BRINP3: variants seen among roughly 807,000 people sequenced by gnomAD.
BRINP3 encodes BMP/retinoic acid-inducible neural-specific protein 3.
BRINP3 carries 19 observed loss-of-function variants against 71.0 expected under a neutral mutation model. That is an observed-to-expected ratio of 0.27 (90% confidence interval 0.19 to 0.39). BRINP3 has a LOEUF of 0.39. Ranked by LOEUF, BRINP3 falls within the 10% of genes least tolerant of loss-of-function variation. The pLI is 1.00. For synonymous variants in BRINP3, 380 were observed against 337.7 expected, an observed-to-expected ratio of 1.13 and a Z score of -1.37; for missense variants, 959 against 940.8, an observed-to-expected ratio of 1.02 and a Z score of -0.25.
At chr1:190,327,514 T>G (rs1666691595) in intron 2 of BRINP3, among the ~76,000 whole-genome samples, 3 of 145,872 alleles carry the variant, frequency 2.1e-5, no homozygotes, top group Admixed American at 2.0e-4. Context: ...GAGCAGAGAT[T>G]GCTATTCCTA....
At chr1:190,135,899 A>G (rs544925812) in intron 7 of BRINP3, among the ~76,000 whole-genome samples, 99 of 152,210 alleles carry the variant, frequency 6.5e-4, no homozygotes, top group South Asian at 1.0e-3. Flanking sequence ...TTATCTCTAT[A>G]CCAAGACACA....
At chr1:190,281,789 C>T in intron 2 of BRINP3, 39 bp from the exon 3 acceptor site, 2 of 1,571,886 alleles carry the variant, frequency 1.3e-6, no homozygotes. Flanking sequence ...AATGCATAAT[C>T]TATCTGAATG....
chr1:190,330,630 G>A (rs1021403334), intron 2 of BRINP3, among the ~76,000 whole-genome samples: 4 of 151,928 alleles, frequency 2.6e-5, no homozygotes, highest in African/African-American at 9.7e-5. Flanking sequence ...CCATTACTGG[G>A]TATATATCCA....
intron 7 of BRINP3, among the ~76,000 whole-genome samples, chr1:190,111,889 C>T (rs952504062): frequency 5.3e-5 from 8 of 152,016 alleles, no homozygotes; most frequent in African/African-American, 1.7e-4. Context: ...AGGAGTGTTC[C>T]AGGGCTGAAA....
intron 2 of BRINP3, among the ~76,000 whole-genome samples, chr1:190,312,075 A>ATATG (rs1328430258): frequency 1.6e-4 from 22 of 136,546 alleles, no homozygotes; most frequent in African/African-American, 4.6e-4. Context: ...ATATATATAT[A>ATATG]TGTATTTCTA....
intron 2 of BRINP3, among the ~76,000 whole-genome samples, chr1:190,403,179 C>A (rs532502141): frequency 1.4e-4 from 21 of 152,142 alleles, no homozygotes; most frequent in African/African-American, 4.8e-4. Flanking sequence ...ACGAATACAC[C>A]AAAAAGAAAA....
chr1:190,278,094 C>A (rs1360890970), intron 3 of BRINP3, among the ~76,000 whole-genome samples: 1 of 151,510 alleles, frequency 6.6e-6, no homozygotes, highest in Non-Finnish European at 1.5e-5. Flanking sequence ...ATATGATATA[C>A]TAAATAACTC....
At chr1:190,245,759 C>T (rs1266806596) in intron 4 of BRINP3, among the ~76,000 whole-genome samples, 1 of 116,590 alleles carries the variant, frequency 8.6e-6, no homozygotes, top group African/African-American at 3.2e-5. Flanking sequence ...CCCCTCCCCC[C>T]ACCCCACAAC....
At chr1:190,258,548 A>G (rs541172661) in intron 4 of BRINP3, among the ~76,000 whole-genome samples, 97 of 152,340 alleles carry the variant, frequency 6.4e-4, no homozygotes, top group Middle Eastern at 3.4e-3. Context: ...TGTAACTAAA[A>G]GTAAGGAAAC....
intron 2 of BRINP3, among the ~76,000 whole-genome samples, chr1:190,326,932 G>T (rs764257344): frequency 6.6e-6 from 1 of 150,954 alleles, no homozygotes; most frequent in African/African-American, 2.4e-5. Flanking sequence ...TTCACAATAG[G>T]TTCAAAACCT....
At chr1:190,175,787 G>C (rs1334509282) in intron 6 of BRINP3, among the ~76,000 whole-genome samples, 1 of 152,054 alleles carries the variant, frequency 6.6e-6, no homozygotes, top group East Asian at 1.9e-4. Flanking sequence ...CATTTCTTGT[G>C]ACTTTCAGGA....
chr1:190,339,695 T>C (rs10920700), intron 2 of BRINP3, among the ~76,000 whole-genome samples: 2,315 of 151,964 alleles, frequency 0.015, 54 homozygotes, highest in African/African-American at 0.053. Flanking sequence ...ATTTAAAAAA[T>C]ATTAAAACAA....
chr1:190,376,623 T>C (rs1670199173), intron 2 of BRINP3, among the ~76,000 whole-genome samples: 1 of 152,080 alleles, frequency 6.6e-6, no homozygotes, highest in Non-Finnish European at 1.5e-5. Flanking sequence ...TGTTTTGAAC[T>C]AGAAAACAAA....
At chr1:190,262,284 T>G (rs1216841632) in intron 4 of BRINP3, among the ~76,000 whole-genome samples, 1 of 152,052 alleles carries the variant, frequency 6.6e-6, no homozygotes, top group Non-Finnish European at 1.5e-5. Flanking sequence ...TACTTAAAAT[T>G]ACAGCTGCCT....
chr1:190,152,529 C>A (rs1656490917), intron 7 of BRINP3, among the ~76,000 whole-genome samples: 1 of 67,072 alleles, frequency 1.5e-5, no homozygotes, highest in Non-Finnish European at 2.6e-5. Context: ...GAATCTCCCC[C>A]AACCCCCCCC....
intron 7 of BRINP3, among the ~76,000 whole-genome samples, chr1:190,137,423 C>T (rs980535847): frequency 6.8e-6 from 1 of 147,362 alleles, no homozygotes; most frequent in Non-Finnish European, 1.5e-5. Flanking sequence ...GAATTCTAGA[C>T]TTGGAACCAA....
intron 7 of BRINP3, among the ~76,000 whole-genome samples, chr1:190,137,245 T>C (rs1655048966): frequency 6.6e-6 from 1 of 152,058 alleles, no homozygotes; most frequent in South Asian, 2.1e-4. Flanking sequence ...CTTTGTGAGC[T>C]ATGAAGAATT....
intron 2 of BRINP3, among the ~76,000 whole-genome samples, chr1:190,352,024 T>C (rs1044419619): frequency 1.3e-5 from 2 of 152,010 alleles, no homozygotes; most frequent in Admixed American, 1.3e-4. Flanking sequence ...CGTAAATCTT[T>C]ATTTTTTTCT....
At chr1:190,446,271 G>T (rs944748566) in intron 2 of BRINP3, among the ~76,000 whole-genome samples, 1 of 151,850 alleles carries the variant, frequency 6.6e-6, no homozygotes, top group Admixed American at 6.6e-5. Context: ...AAATTATTTT[G>T]GTTATTAATG....
Sources: allele counts gnomAD v4.1 joint callset (sites outside exome capture counted in the v4.1 genomes callset), GRCh38; gene constraint gnomAD v4.1.1; transcripts MANE v1.5; gene names NCBI Gene and HGNC (gene_info 2026-07-23, HGNC 2026-07-21).